Variants in SGCZ observed in about 807,000 individuals in gnomAD.
SGCZ encodes the protein sarcoglycan zeta.
In SGCZ, 40 loss-of-function variants were observed where a neutral mutation model predicts 41.3. That is an observed-to-expected ratio of 0.97 (90% CI 0.75 to 1.26). The LOEUF is 1.26. SGCZ is among the 50% of genes most tolerant of loss of function. The probability of loss-of-function intolerance (pLI) is 0.00; values close to 1 mark genes in which losing one functional copy is unlikely to be tolerated. For missense variants in SGCZ, 552 were observed against 369.8 expected, an observed-to-expected ratio of 1.49 and a Z score of -4.04; for synonymous variants, 206 against 137.5, an observed-to-expected ratio of 1.50 and a Z score of -3.49.
intron 1 of SGCZ, among the ~76,000 whole-genome samples, chr8:14,726,742 C>A (rs896632285): frequency 6.6e-6 from 1 of 151,836 alleles, no homozygotes; most frequent in Non-Finnish European, 1.5e-5. Context: ...AAACCTGCAA[C>A]AATATGATGT....
chr8:15,231,784 G>C (rs768193299), intron 1 of SGCZ, among the ~76,000 whole-genome samples: 17 of 151,816 alleles, frequency 1.1e-4, no homozygotes, highest in Non-Finnish European at 1.8e-4. Flanking sequence ...ACCACATTCT[G>C]CTAATTTTTG....
Position 15,002,683 on chromosome 8 carries a change from A to C in SGCZ, c.39+234902T>G, listed in dbSNP as rs1473186834. 2.6e-5 allele frequency among the ~76,000 whole-genome samples: 4 copies of C among 152,244 alleles called. No individual in the cohort carries two copies. The East Asian group carries it at 7.7e-4, about 29-fold the overall frequency. On this transcript the variant is annotated intron_variant, in intron 1 of 7. Coordinates refer to ENST00000382080, the MANE Select transcript of SGCZ (RefSeq NM_139167.4). ...TTTTGGGGGGAAATCTTTAGTTTCCATTTTGTCCATCTTAAAATAGAACCA... is the reference window on the plus strand; with the variant it reads ...TTTTGGGGGGAAATCTTTAGTTTCCCTTTTGTCCATCTTAAAATAGAACCA...
intron 1 of SGCZ, among the ~76,000 whole-genome samples, chr8:14,673,820 G>A (rs546181356): frequency 6.6e-6 from 1 of 152,110 alleles, no homozygotes; most frequent in South Asian, 2.1e-4. Flanking sequence ...ATTATTCTAG[G>A]CCCTAAAATT....
intron 1 of SGCZ, among the ~76,000 whole-genome samples, chr8:14,741,626 T>G (rs1218408771): frequency 2.0e-5 from 3 of 152,130 alleles, no homozygotes; most frequent in African/African-American, 7.2e-5. Flanking sequence ...AAATGCTTTT[T>G]ATATTATTGT....
rs74345347 is a variant in SGCZ, at chr8:14,506,733, T to C, written c.234+47999A>G. ...GCTTTTATGTTACTAAATTGAATGGTCCATCTCAGCGTTCTTTTTTTATTT... is the reference window on the plus strand; with the variant it reads ...GCTTTTATGTTACTAAATTGAATGGCCCATCTCAGCGTTCTTTTTTTATTT... On this transcript the variant is annotated intron_variant, in intron 2 of 7. Coordinates refer to ENST00000382080, the MANE Select transcript of SGCZ (RefSeq NM_139167.4). 8.1e-4 allele frequency among the ~76,000 whole-genome samples: 123 copies of C among 152,292 alleles called. 1 individual carries two copies. The East Asian group carries it at 0.02, about 25-fold the overall frequency.
chr8:14,964,766 T>G (rs1801077883), intron 1 of SGCZ, among the ~76,000 whole-genome samples: 1 of 152,144 alleles, frequency 6.6e-6, no homozygotes, highest in Admixed American at 6.5e-5. Flanking sequence ...AGAACTCTAC[T>G]AGGAGCTGTC....
intron 4 of SGCZ, among the ~76,000 whole-genome samples, chr8:14,230,530 A>G (rs1001932865): frequency 6.6e-6 from 1 of 152,114 alleles, no homozygotes; most frequent in Non-Finnish European, 1.5e-5. Context: ...GGGATTTAGC[A>G]GTCTCCAAAA....
chr8:15,154,100 C>G (rs546567544), intron 1 of SGCZ, among the ~76,000 whole-genome samples: 111 of 95,222 alleles, frequency 1.2e-3, no homozygotes, highest in African/African-American at 3.6e-3. Context: ...TCACCACTTA[C>G]CCCCTGCATG....
intron 1 of SGCZ, among the ~76,000 whole-genome samples, chr8:14,829,850 C>G (rs544253939): frequency 6.6e-6 from 1 of 152,202 alleles, no homozygotes; most frequent in African/African-American, 2.4e-5. Flanking sequence ...CTCGCTCTGT[C>G]GCCCAGGCTG....
At chr8:14,325,230 A>C (rs1167568909) in intron 2 of SGCZ, among the ~76,000 whole-genome samples, 2 of 152,068 alleles carry the variant, frequency 1.3e-5, no homozygotes, top group Non-Finnish European at 2.9e-5. Context: ...ATAATGCATA[A>C]TTGCGTAGTA....
chr8:14,149,082 G>C (rs1391682387), intron 5 of SGCZ, among the ~76,000 whole-genome samples: 2 of 152,022 alleles, frequency 1.3e-5, no homozygotes, highest in East Asian at 3.9e-4. Flanking sequence ...TAGTATCATA[G>C]TGAGTGGGGA....
intron 1 of SGCZ, among the ~76,000 whole-genome samples, chr8:15,081,332 G>C (rs1311109140): frequency 1.3e-5 from 2 of 152,134 alleles, no homozygotes; most frequent in Non-Finnish European, 2.9e-5. Flanking sequence ...AGAAGTCTGA[G>C]ATGCATTTTT....
intron 1 of SGCZ, among the ~76,000 whole-genome samples, chr8:15,205,189 A>T (rs1316577866): frequency 6.6e-6 from 1 of 152,196 alleles, no homozygotes. Flanking sequence ...CCCCGAACAT[A>T]GGAAGGGGCA....
At chr8:14,696,413 T>G (rs563490431) in intron 1 of SGCZ, among the ~76,000 whole-genome samples, 18 of 152,234 alleles carry the variant, frequency 1.2e-4, no homozygotes, top group African/African-American at 4.3e-4. Flanking sequence ...AAGCTGTTTA[T>G]TAAAGCATTA....
At chr8:14,429,834 C>T (rs1198270439) in intron 2 of SGCZ, among the ~76,000 whole-genome samples, 2 of 151,790 alleles carry the variant, frequency 1.3e-5, no homozygotes, top group Non-Finnish European at 2.9e-5. Flanking sequence ...TTCAATCTTG[C>T]TGCATGTTAC....
intron 4 of SGCZ, among the ~76,000 whole-genome samples, chr8:14,222,288 G>A (rs1216110683): frequency 3.3e-5 from 5 of 151,806 alleles, no homozygotes; most frequent in African/African-American, 1.2e-4. Flanking sequence ...ATCTGCCTCA[G>A]CCTCCCGAGT....
At chr8:15,156,267 G>T (rs1340114288) in intron 1 of SGCZ, among the ~76,000 whole-genome samples, 2 of 152,022 alleles carry the variant, frequency 1.3e-5, no homozygotes, top group Admixed American at 1.3e-4. Flanking sequence ...CCTTATTTCT[G>T]CATAGGGGCT....
chr8:15,132,517 A>G (rs1177210910), intron 1 of SGCZ, among the ~76,000 whole-genome samples: 1 of 152,240 alleles, frequency 6.6e-6, no homozygotes, highest in Non-Finnish European at 1.5e-5. Flanking sequence ...GAGGGAAGAC[A>G]TATGAAATCA....
At chr8:14,851,151 C>T (rs1050741407) in intron 1 of SGCZ, among the ~76,000 whole-genome samples, 9 of 152,040 alleles carry the variant, frequency 5.9e-5, no homozygotes, top group Middle Eastern at 6.8e-3. Flanking sequence ...GGGCGGATCA[C>T]GAGGTCAGGA....
Sources: allele counts gnomAD v4.1 joint callset (sites outside exome capture counted in the v4.1 genomes callset), GRCh38; gene constraint gnomAD v4.1.1; transcripts MANE v1.5; gene names NCBI Gene and HGNC (gene_info 2026-07-23, HGNC 2026-07-21).